Variants in SIN3B observed in about 807,000 individuals in gnomAD.
The protein encoded by SIN3B is SIN3 transcription regulator family member B, also known as paired amphipathic helix protein Sin3b.
A neutral mutation model predicts 120.2 loss-of-function variants in SIN3B; 19 were observed. The ratio of observed to expected loss-of-function variants is 0.16; its 90% confidence interval spans 0.11 to 0.23. The LOEUF (loss-of-function observed/expected upper bound fraction) is 0.23. SIN3B is among the 10% of genes least tolerant of loss of function. The pLI, the probability that SIN3B is intolerant of heterozygous loss-of-function variation, is 1.00. For synonymous variants in SIN3B, 654 were observed against 653.2 expected, an observed-to-expected ratio of 1.00 and a Z score of -0.02; for missense variants, 1,073 against 1,573.0, an observed-to-expected ratio of 0.68 and a Z score of 5.38.
intron 12 of SIN3B, among the ~76,000 whole-genome samples, chr19:16,866,779 C>G (rs1397094285): frequency 6.6e-5 from 10 of 152,172 alleles, no homozygotes; most frequent in Non-Finnish European, 1.5e-5. Context: ...TGTTTGGAGA[C>G]AGAGTCTCGC....
chr19:16,841,833 C>G lies in SIN3B; in HGVS notation c.447C>G (p.Asp149Glu). ...AGCAGCAGGTGCCGTATAAAGAGGA[C>G]AAACCCCAGGTGCCCCTGGAGTCCG... is the stretch of plus-strand genomic sequence containing the variant. ...DFKQQVPYKE[D>E]KPQVPLESDS... Residue 149 changes from aspartate (D) to glutamate (E), a missense_variant, in exon 4 of 19, where the codon GAC becomes GAG. Transcript: ENST00000248054. 5 of 1,614,104 alleles carry G rather than the reference C, an allele frequency of 3.1e-6. No individual in the cohort carries two copies. Among genetic ancestry groups the G allele is most frequent in the Non-Finnish European group, 4.2e-6 (5 of 1,180,010 alleles).
At chr19:16,855,340 TG>T (rs1403065429) in intron 8 of SIN3B, 1 of 137,322 alleles carries the variant, frequency 7.3e-6, no homozygotes, top group Non-Finnish European at 1.5e-5. Flanking sequence ...GTAATGGAAC[TG>T]TACAGGAGGA....
At position 16,841,777 on chromosome 19, in the gene SIN3B, C is replaced by T. The variant is rs1386634484; in HGVS notation, c.391C>T (p.His131Tyr). 1.9e-6 allele frequency: 3 copies of T among 1,613,670 alleles called. No individual in the cohort carries two copies. Among genetic ancestry groups the T allele is most frequent in the East Asian group, 4.5e-5 (2 of 44,880 alleles). The change falls in exon 4 of 19, where the codon CAC (histidine) becomes TAC (tyrosine). Residue 131 changes from histidine to tyrosine, a missense_variant. Coordinates refer to ENST00000248054, the MANE Select transcript of SIN3B (RefSeq NM_001297595.2). Reference protein sequence around the residue: ...QSPLTSQENSHNHGDGAEDFK... With the variant: ...QSPLTSQENSYNHGDGAEDFK... Reference sequence around the variant, plus strand: ...ATTGTCGCCTTGTCAGGAGAATTCGCACAACCACGGGGACGGTGCAGAGGA... The same window carrying T: ...ATTGTCGCCTTGTCAGGAGAATTCGTACAACCACGGGGACGGTGCAGAGGA...
intron 7 of SIN3B, among the ~76,000 whole-genome samples, 164 bp downstream of exon 7, chr19:16,853,322 T>C (rs1359166244): frequency 6.6e-6 from 1 of 152,202 alleles, no homozygotes; most frequent in Non-Finnish European, 1.5e-5. Context: ...CGGAAGGGAA[T>C]GTGGGCCTCC....
chr19:16,829,409 C>T lies in SIN3B; in HGVS notation c.-12C>T. The T allele has an allele frequency of 8.3e-7, 1 of 1,201,634 alleles. No homozygotes were observed. The highest frequency in any genetic ancestry group is 4.4e-5 in the Admixed American group (1 of 22,610). 74.4% of individuals were successfully genotyped at this position (1,201,634 alleles called of 1,614,324 possible). ...GGCGGGGGCGGGGCGGGGCGCAGCT[C>T]CGACTTCGGACATGGCGCACGCTGG... On this transcript the variant is annotated 5_prime_UTR_variant, in exon 1 of 19. Coordinates refer to ENST00000248054, the MANE Select transcript of SIN3B (RefSeq NM_001297595.2).
intron 13 of SIN3B, 31 bp from the exon 14 acceptor site, chr19:16,871,198 G>A (rs750058129): frequency 6.2e-7 from 1 of 1,613,830 alleles, no homozygotes; most frequent in South Asian, 1.1e-5. Context: ...CTCTCCAGGA[G>A]GCATATGGAT....
At chr19:16,851,926 T>C (rs886154523) in intron 6 of SIN3B, among the ~76,000 whole-genome samples, 1 of 152,246 alleles carries the variant, frequency 6.6e-6, no homozygotes, top group Non-Finnish European at 1.5e-5. Context: ...CTGTCACGCC[T>C]TTCACCTGCA....
intron 10 of SIN3B, 46 bp downstream of exon 10, chr19:16,863,842 C>T: frequency 7.3e-7 from 1 of 1,378,492 alleles, no homozygotes; most frequent in South Asian, 1.2e-5. Flanking sequence ...TGCCTGTTCC[C>T]CTTCTCCATG....
intron 5 of SIN3B, among the ~76,000 whole-genome samples, chr19:16,848,893 C>T (rs946001728): frequency 5.3e-5 from 8 of 152,244 alleles, no homozygotes; most frequent in African/African-American, 1.7e-4. Flanking sequence ...CCACCTTGGC[C>T]TCCCAAAGTG....
intron 4 of SIN3B, among the ~76,000 whole-genome samples, chr19:16,846,107 G>A (rs1040626268): frequency 1.3e-5 from 2 of 152,296 alleles, no homozygotes; most frequent in African/African-American, 2.4e-5. Context: ...CAGTGTGGTC[G>A]TTGTTCTGTC....
At chr19:16,875,012 T>TTGGTTTGGTC (rs1238271464) in intron 14 of SIN3B, among the ~76,000 whole-genome samples, 5 of 151,718 alleles carry the variant, frequency 3.3e-5, no homozygotes, top group South Asian at 4.2e-4. Context: ...TGGTTAGGTT[T>TTGGTTTGGTC]TGGTTTGGTC....
chr19:16,876,607 G>A lies in SIN3B; in HGVS notation c.2859+29G>A, dbSNP rs368149965. ...AGGCCCTGGCCCCAGTCTGTGCCAC[G>A]CATACCAGGGAGCGCCTGAGGGCAG... On this transcript the variant is annotated intron_variant, in intron 16 of 18. Transcript: ENST00000248054. This position sits in a 1 kb window ranked among gnomAD's most constrained non-coding sequence, Gnocchi z 7.1. The A allele has an allele frequency of 8.8e-5, 138 of 1,571,000 alleles. No homozygotes were observed. Among genetic ancestry groups the A allele is most frequent in the Admixed American group, 2.7e-4 (16 of 58,812 alleles).
chr19:16,857,513 AAAT>A (rs1475973688), intron 8 of SIN3B, among the ~76,000 whole-genome samples: 1 of 77,920 alleles, frequency 1.3e-5, no homozygotes, highest in African/African-American at 4.9e-5. Flanking sequence ...AACTTAAAAA[AAAT>A]ATGTGTGTGT....
intron 3 of SIN3B, among the ~76,000 whole-genome samples, chr19:16,836,032 C>G (rs1191662762): frequency 6.6e-6 from 1 of 152,156 alleles, no homozygotes; most frequent in Non-Finnish European, 1.5e-5. Flanking sequence ...CAGCTACTGA[C>G]AAGTAGGGAG....
chr19:16,876,641 G>A lies in SIN3B; in HGVS notation c.2859+63G>A, dbSNP rs2051612512. 1.5e-6 allele frequency: 2 copies of A among 1,348,054 alleles called. No individual in the cohort carries two copies. Among genetic ancestry groups the A allele is most frequent in the East Asian group, 4.7e-5 (2 of 42,896 alleles). 83.5% of individuals were successfully genotyped at this position (1,348,054 alleles called of 1,614,324 possible). On this transcript the variant is annotated intron_variant, in intron 16 of 18. Coordinates refer to ENST00000248054, the MANE Select transcript of SIN3B (RefSeq NM_001297595.2). The surrounding 1 kb of genome is among the most constrained non-coding windows in gnomAD (Gnocchi z 7.1). Reference sequence around the variant, plus strand: ...GGAGCGCCTGAGGGCAGCAGCATGGGGCTCCCACCAGCCAAGCGCAGGCCG... The same window carrying A: ...GGAGCGCCTGAGGGCAGCAGCATGGAGCTCCCACCAGCCAAGCGCAGGCCG...
chr19:16,856,744 G>A (rs1375741522), intron 8 of SIN3B, among the ~76,000 whole-genome samples: 1 of 152,074 alleles, frequency 6.6e-6, no homozygotes, highest in Non-Finnish European at 1.5e-5. Flanking sequence ...GCTAATTTTT[G>A]TATTTTTAGT....
chr19:16,833,259 G>A (rs540636340), intron 3 of SIN3B, among the ~76,000 whole-genome samples: 1 of 152,304 alleles, frequency 6.6e-6, no homozygotes, highest in Admixed American at 6.5e-5. Flanking sequence ...CTGACACTCC[G>A]CAGTCAGTTG....
intron 14 of SIN3B, among the ~76,000 whole-genome samples, chr19:16,875,475 T>G (rs1311871076): frequency 2.7e-5 from 4 of 145,540 alleles, no homozygotes; most frequent in Admixed American, 6.8e-5. Flanking sequence ...GGTCTGGTTT[T>G]GGTCTGGTTT....
intron 5 of SIN3B, among the ~76,000 whole-genome samples, chr19:16,847,773 G>A (rs998718885): frequency 1.3e-5 from 2 of 152,060 alleles, no homozygotes; most frequent in Admixed American, 6.6e-5. Flanking sequence ...ATGTAACATC[G>A]AATTCACCAT....
Sources: allele counts gnomAD v4.1 joint callset (sites outside exome capture counted in the v4.1 genomes callset), GRCh38; gene constraint gnomAD v4.1.1; non-coding constraint Gnocchi (gnomAD v3.1); transcripts MANE v1.5; gene names NCBI Gene and HGNC (gene_info 2026-07-23, HGNC 2026-07-21).